FAT3: variants seen among roughly 807,000 people sequenced by gnomAD.
FAT3 encodes the protein protocadherin Fat 3.
FAT3 carries 95 observed loss-of-function variants against 310.2 expected under a neutral mutation model. That is an observed-to-expected ratio of 0.31 (90% CI 0.26 to 0.36). FAT3 has a LOEUF of 0.36. Among genes scored for constraint, FAT3 ranks in the 10% least tolerant of loss-of-function variants. The pLI, the probability that FAT3 is intolerant of heterozygous loss-of-function variation, is 1.00. For missense variants in FAT3, 5,408 were observed against 5,715.6 expected (o/e 0.95, Z 1.74); for synonymous variants, 2,314 against 2,192.9 (o/e 1.06, Z -1.54).
rs1035257104 is a variant in FAT3, at chr11:92,882,961, G to T, written c.12505G>T (p.Val4169Leu). ...AVVLFVIFIL[V>L]VLFIVFRKKV... The stretch of plus-strand genomic sequence containing the variant: ...GGTCCTCTTCGTCATCTTCATCCTG[G>T]TGGTTCTCTTCATAGTCTTCCGCAA... The change falls in exon 24 of 28, where the codon GTG becomes TTG. Residue 4169 changes from valine to leucine, a missense_variant. Val to Leu is a conservative substitution (Grantham distance 32). Around this residue, in one of 5 missense-constraint regions of FAT3, gnomAD observed 649 missense variants for 666.2 expected, o/e 0.97. Coordinates refer to ENST00000525166, the MANE Select transcript of FAT3 (RefSeq NM_001367949.2). The T allele has an allele frequency of 5.0e-6, 8 of 1,613,860 alleles. No homozygotes were observed. Among genetic ancestry groups the T allele is most frequent in the African/African-American group, 2.7e-5 (2 of 75,056 alleles).
At chr11:92,594,780 ACCCACC>A (rs1194227142) in intron 3 of FAT3, among the ~76,000 whole-genome samples, 12 of 152,110 alleles carry the variant, frequency 7.9e-5, no homozygotes, top group African/African-American at 2.9e-4. Context: ...AAAATCCAGC[ACCCACC>A]CCCATTTCCT....
At chr11:92,399,831 A>C (rs1290935623) in intron 2 of FAT3, among the ~76,000 whole-genome samples, 2 of 152,144 alleles carry the variant, frequency 1.3e-5, no homozygotes, top group Non-Finnish European at 2.9e-5. Flanking sequence ...CCTTGTGTAA[A>C]CCTTCTGTAG....
chr11:92,253,625 A>G (rs1244477517), intron 1 of FAT3, among the ~76,000 whole-genome samples: 1 of 152,146 alleles, frequency 6.6e-6, no homozygotes, highest in African/African-American at 2.4e-5. Context: ...TGGAAAGGAA[A>G]CCAACTGGGA....
chr11:92,791,035 G>A (rs185480086), intron 8 of FAT3, among the ~76,000 whole-genome samples: 1 of 152,266 alleles, frequency 6.6e-6, no homozygotes, highest in African/African-American at 2.4e-5. Context: ...TTCCTAAGCA[G>A]CTGAAAGTAA....
At chr11:92,737,866 C>T (rs1324688630) in intron 4 of FAT3, among the ~76,000 whole-genome samples, 1 of 152,008 alleles carries the variant, frequency 6.6e-6, no homozygotes, top group Non-Finnish European at 1.5e-5. Context: ...AACCTCATTC[C>T]TCCTCCCTGC....
Position 92,348,925 on chromosome 11 carries a change from A to G in FAT3, c.-17-3171A>G, listed in dbSNP as rs577413293. On this transcript the variant is annotated intron_variant, in intron 1 of 27. Transcript: ENST00000525166. ...TACTTAGGGTTCTGTTCAACAAACC[A>G]GTGTTGTTTGCTTCCTGTGTGGTGG... Among the ~76,000 whole-genome samples, 3 of 152,292 alleles carry G rather than the reference A, an allele frequency of 2.0e-5. No individual in the cohort carries two copies. In the South Asian group the frequency reaches 6.2e-4, roughly 32 times the overall value.
At chr11:92,349,341 T>G (rs1032015507) in intron 1 of FAT3, among the ~76,000 whole-genome samples, 8 of 152,168 alleles carry the variant, frequency 5.3e-5, no homozygotes, top group African/African-American at 1.9e-4. Context: ...TCTCCACTGC[T>G]TTGGAGCCTT....
chr11:92,696,170 G>A (rs1943936518), intron 3 of FAT3, among the ~76,000 whole-genome samples: 1 of 151,622 alleles, frequency 6.6e-6, no homozygotes, highest in Non-Finnish European at 1.5e-5. Flanking sequence ...CAATGAAAAA[G>A]ATAAAGAAAA....
intron 1 of FAT3, among the ~76,000 whole-genome samples, chr11:92,282,672 A>T (rs1362560612): frequency 6.8e-6 from 1 of 146,316 alleles, no homozygotes; most frequent in Non-Finnish European, 1.5e-5. Flanking sequence ...AAAAAAAAAA[A>T]GGATGTTGTA....
At chr11:92,622,155 G>A (rs1156266537) in intron 3 of FAT3, among the ~76,000 whole-genome samples, 1 of 151,964 alleles carries the variant, frequency 6.6e-6, no homozygotes, top group East Asian at 1.9e-4. Context: ...GCATGGTGGT[G>A]CGCCTGTAAT....
chr11:92,311,013 T>C (rs932023970), intron 1 of FAT3, among the ~76,000 whole-genome samples: 2 of 151,650 alleles, frequency 1.3e-5, no homozygotes, highest in African/African-American at 4.8e-5. Flanking sequence ...TGTATATATA[T>C]ACACATATAT....
chr11:92,543,546 T>A (rs1185734924), intron 3 of FAT3, among the ~76,000 whole-genome samples: 1 of 152,112 alleles, frequency 6.6e-6, no homozygotes, highest in Non-Finnish European at 1.5e-5. Context: ...TGGCAGCCAA[T>A]CATTGTTTTA....
At chr11:92,848,916 C>G (rs1285086624) in intron 19 of FAT3, among the ~76,000 whole-genome samples, 1 of 152,148 alleles carries the variant, frequency 6.6e-6, no homozygotes, top group Admixed American at 6.5e-5. Flanking sequence ...GATTCCAAAC[C>G]AAAGGGCATG....
At chr11:92,372,676 T>C (rs995489380) in intron 2 of FAT3, among the ~76,000 whole-genome samples, 9 of 150,002 alleles carry the variant, frequency 6.0e-5, no homozygotes, top group African/African-American at 2.0e-4. Flanking sequence ...TTTTTTTTTT[T>C]CTGAGACGGA....
intron 1 of FAT3, among the ~76,000 whole-genome samples, chr11:92,239,887 A>G (rs1439800040): frequency 2.6e-5 from 4 of 152,122 alleles, no homozygotes; most frequent in Admixed American, 6.6e-5. Context: ...TATCTGGTCC[A>G]AGGTCATTAC....
chr11:92,568,105 G>A (rs1301050960), intron 3 of FAT3, among the ~76,000 whole-genome samples: 1 of 151,968 alleles, frequency 6.6e-6, no homozygotes, highest in African/African-American at 2.4e-5. Flanking sequence ...TGTCTCCTAG[G>A]CCACCTGACA....
intron 1 of FAT3, among the ~76,000 whole-genome samples, chr11:92,282,990 A>G (rs1336456836): frequency 6.6e-6 from 1 of 152,120 alleles, no homozygotes; most frequent in African/African-American, 2.4e-5. Context: ...CAACAGATAT[A>G]CTAAATTGTT....
Position 92,882,747 on chromosome 11 carries a change from G to T in FAT3, c.12291G>T (p.Glu4097Asp). The T allele has an allele frequency of 1.2e-6, 2 of 1,600,634 alleles. No homozygotes were observed. The highest frequency in any genetic ancestry group is 1.7e-6 in the Non-Finnish European group (2 of 1,171,882). ...KAGLTGVTCE[E>D]DINECEREEC... ...TTCTGTGTCGCCGCAGGTGTGAGGA[G>T]GACATCAATGAGTGCGAACGAGAGG... Residue 4097 changes from glutamate to aspartate, a missense_variant, in exon 24 of 28, where the codon GAG (glutamate) becomes GAT (aspartate). Physicochemically the swap from Glu to Asp is conservative, Grantham distance 45 (BLOSUM62 2). Around this residue, in one of 5 missense-constraint regions of FAT3, gnomAD observed 649 missense variants for 666.2 expected, o/e 0.97. Coordinates refer to ENST00000525166, the MANE Select transcript of FAT3 (RefSeq NM_001367949.2).
chr11:92,836,514 C>T, intron 15 of FAT3, 52 bp from the exon 16 acceptor site: 1 of 1,589,740 alleles, frequency 6.3e-7, no homozygotes, highest in Non-Finnish European at 8.6e-7. Context: ...AAGAATCAAC[C>T]TTTGCTGCCT....
Sources: allele counts gnomAD v4.1 joint callset (sites outside exome capture counted in the v4.1 genomes callset), GRCh38; gene constraint gnomAD v4.1.1; regional missense constraint gnomAD v4.1.1; transcripts MANE v1.5; gene names NCBI Gene and HGNC (gene_info 2026-07-23, HGNC 2026-07-21).